The following SCAMP4 variants were observed in gnomAD, a reference collection of about 807,000 sequenced individuals.
The protein encoded by SCAMP4 is secretory carrier-associated membrane protein 4.
SCAMP4 carries 19 observed loss-of-function variants against 32.1 expected under a neutral mutation model. That is an observed-to-expected ratio of 0.59 (90% CI 0.41 to 0.87). The LOEUF is 0.87. Ranked by LOEUF, SCAMP4 falls within the 40% of genes least tolerant of loss-of-function variation. The probability of loss-of-function intolerance (pLI) is 0.00; values close to 1 mark genes in which losing one functional copy is unlikely to be tolerated. For synonymous variants in SCAMP4, 152 were observed against 132.7 expected, an observed-to-expected ratio of 1.15 and a Z score of -1.00; for missense variants, 302 against 309.0, an observed-to-expected ratio of 0.98 and a Z score of 0.17.
chr19:1,913,401 C>T (rs2013607041), intron 1 of SCAMP4: 2 of 600,912 alleles, frequency 3.3e-6, no homozygotes, highest in Non-Finnish European at 5.9e-6. Flanking sequence ...CTCTGTCTCG[C>T]GGGCCGGGAA....
At position 1,908,543 on chromosome 19, in the gene SCAMP4, C is replaced by T. The variant is rs2013264126; in HGVS notation, c.-42+3104C>T. The T allele has an allele frequency of 2.1e-6, 1 of 471,186 alleles. No homozygotes were observed. Among genetic ancestry groups the T allele is most frequent in the Non-Finnish European group, 4.4e-6 (1 of 227,050 alleles). 29.2% of individuals were successfully genotyped at this position (471,186 alleles called of 1,614,324 possible). ...GTAGTCCAGGCTGGCAGTTCAGGAT[C>T]ACCCGGCTGGAGTCATTTTAAGATC... is the stretch of plus-strand genomic sequence containing the variant. On this transcript the variant is annotated intron_variant, in intron 1 of 6. Transcript: ENST00000316097. The surrounding 1 kb of genome is among the most constrained non-coding windows in gnomAD (Gnocchi z 4.2).
intron 5 of SCAMP4, chr19:1,919,625 T>G (rs2013855787): frequency 4.8e-6 from 1 of 208,660 alleles, no homozygotes; most frequent in Admixed American, 6.7e-5. Flanking sequence ...GCCTCCCGAG[T>G]AGCTGGGACT....
chr19:1,912,975 T>G, intron 1 of SCAMP4: 1 of 1,609,972 alleles, frequency 6.2e-7, no homozygotes. Flanking sequence ...CTGCGCCATG[T>G]GCGCCATGGC....
chr19:1,916,422 T>A (rs1197352342), intron 2 of SCAMP4, among the ~76,000 whole-genome samples: 1 of 152,162 alleles, frequency 6.6e-6, no homozygotes, highest in Non-Finnish European at 1.5e-5. Context: ...GATCTCAGAT[T>A]TCTGGCCTCC....
chr19:1,920,678 G>T, intron 5 of SCAMP4: 1 of 985,512 alleles, frequency 1.0e-6, no homozygotes, highest in Non-Finnish European at 1.2e-6. Context: ...GGCACTGCTC[G>T]TCATCCTCCG....
intron 1 of SCAMP4, 146 bp from the exon 2 acceptor site, chr19:1,914,833 G>C (rs1468605163): frequency 1.5e-6 from 1 of 661,224 alleles, no homozygotes; most frequent in Non-Finnish European, 2.7e-6. Flanking sequence ...ACATTGGGTC[G>C]AGTCAGGCCT....
chr19:1,912,789 G>A (rs376584702), intron 1 of SCAMP4: 3 of 1,571,120 alleles, frequency 1.9e-6, no homozygotes, highest in Non-Finnish European at 1.7e-6. Context: ...CGTGGACCTC[G>A]TGGCGCGCGG....
At chr19:1,911,564 T>C (rs548397380) in intron 1 of SCAMP4, among the ~76,000 whole-genome samples, 2 of 152,312 alleles carry the variant, frequency 1.3e-5, no homozygotes, top group East Asian at 3.9e-4. Context: ...GTGGATCACG[T>C]GAGGTTAGGA....
rs140419959 is a variant in SCAMP4 at position 1,913,872 on chromosome 19, C to T, written c.-41-1107C>T. On this transcript the variant is annotated intron_variant, in intron 1 of 6. Coordinates refer to ENST00000316097, the MANE Select transcript of SCAMP4 (RefSeq NM_079834.4). ...GCCTGACCATGTGGGTGCAGCTTTG[C>T]CTCCAGACACGCCTGCTGTGAGCCC... Among the ~76,000 whole-genome samples the T allele has an allele frequency of 1.3e-3, 202 of 152,328 alleles. 1 individual carries two copies. In the Middle Eastern group the frequency reaches 0.014, roughly 10 times the overall value.
At chr19:1,910,578 TTTTTTTTTTTTTTTTTTGA>T (rs1432626028) in intron 1 of SCAMP4, among the ~76,000 whole-genome samples, 1 of 137,898 alleles carries the variant, frequency 7.3e-6, no homozygotes, top group Non-Finnish European at 1.5e-5. Context: ...GAGGTGTCTT[TTTTTTTTTTTTTTTTTTGA>T]GACAGAGTCT....
chr19:1,906,332 G>C (rs7408452), intron 1 of SCAMP4: 110,029 of 151,920 alleles, frequency 0.72, 40,122 homozygotes, highest in Middle Eastern at 0.8. Context: ...TGTACTCCAG[G>C]CTGAGCAAGC....
In SCAMP4 at chr19:1,924,204, C is replaced by T. The variant is rs1398981554; in HGVS notation, c.610C>T (p.Gln204Ter). 1.1e-5 allele frequency: 18 copies of T among 1,609,510 alleles called. No homozygotes were observed. The highest frequency in any genetic ancestry group is 1.5e-5 in the Non-Finnish European group (18 of 1,178,078). The change falls in exon 7 of 7, where the codon CAG becomes TAG. Residue 204 changes from glutamine (Q) to a stop codon, truncating the protein, a stop_gained. Coordinates refer to ENST00000316097, the MANE Select transcript of SCAMP4 (RefSeq NM_079834.4). LOFTEE classifies it high-confidence loss of function. The stretch of plus-strand genomic sequence containing the variant: ...GCGGAACCCACCGTCGAGGGAGGCC[C>T]AGTACAACAACTTCTCAGGCAACAG... The part of the protein sequence containing the change: ...TWRNPPSREA[Q>*]YNNFSGNSLP...
intron 5 of SCAMP4, chr19:1,921,636 G>C: frequency 1.0e-6 from 1 of 985,398 alleles, no homozygotes. Context: ...TGCCTTTGCC[G>C]CTTTTCATAA....
chr19:1,915,290 G>A (rs2013694182), intron 2 of SCAMP4: 3 of 575,590 alleles, frequency 5.2e-6, no homozygotes, highest in South Asian at 2.0e-5. Context: ...CATCACAGCT[G>A]CTCTTTCCTT....
At chr19:1,910,500 G>C (rs926212258) in intron 1 of SCAMP4, among the ~76,000 whole-genome samples, 1 of 152,020 alleles carries the variant, frequency 6.6e-6, no homozygotes, top group Non-Finnish European at 1.5e-5. Context: ...TTTTATAGTG[G>C]TGATGGTTGC....
In SCAMP4 at chr19:1,922,870, G is replaced by A. The variant is rs1295982835; in HGVS notation, c.396-200G>A. The A allele has an allele frequency of 6.1e-6, 8 of 1,310,584 alleles. No individual in the cohort carries two copies. The South Asian group carries it at 1.3e-4, about 21-fold the overall frequency. 81.2% of individuals were successfully genotyped at this position (1,310,584 alleles called of 1,614,324 possible). On this transcript the variant is annotated intron_variant, in intron 5 of 6. Transcript: ENST00000316097. ...GCGGCTCACTGCTGCGATGGTGGAG[G>A]GATAAGGTCGTATTCACGCGTTGAA...
At chr19:1,918,067 T>G in intron 3 of SCAMP4, 60 bp from the exon 4 acceptor site, 1 of 1,560,934 alleles carries the variant, frequency 6.4e-7, no homozygotes, top group Non-Finnish European at 8.7e-7. Flanking sequence ...GCTGGGCCCA[T>G]GCTTTCCCAC....
chr19:1,913,122 C>T, intron 1 of SCAMP4: 1 of 1,582,376 alleles, frequency 6.3e-7, no homozygotes, highest in Non-Finnish European at 8.6e-7. Context: ...GCTGGAGGAG[C>T]AGTGCCGCTG....
rs569302688 is a variant in SCAMP4 at position 1,908,125 on chromosome 19, G to A, written c.-42+2686G>A. 15 of 231,914 alleles carry A rather than the reference G, an allele frequency of 6.5e-5. No individual in the cohort carries two copies. The highest frequency in any genetic ancestry group is 1.9e-4 in the African/African-American group (8 of 42,252). The allele number at this position is 231,914 out of a possible 1,614,324, so 14.4% of individuals were successfully genotyped here. A position where few individuals can be genotyped will look rare whatever the true frequency, so the allele number is the denominator to read the frequency against. The stretch of plus-strand genomic sequence containing the variant: ...TGTTTGTGGCCTAGCAGGGCCGTGC[G>A]GGCCTCTCGGTCCTGGTCGCGCGTG... On this transcript the variant is annotated intron_variant, in intron 1 of 6. Coordinates refer to ENST00000316097, the MANE Select transcript of SCAMP4 (RefSeq NM_079834.4). This position sits in a 1 kb window ranked among gnomAD's most constrained non-coding sequence, Gnocchi z 4.2.
Sources: gnomAD v4.1 joint callset for allele counts (sites outside exome capture counted in the v4.1 genomes callset) on GRCh38, gnomAD v4.1.1 for gene constraint, Gnocchi (gnomAD v3.1) non-coding constraint, MANE v1.5 for transcripts, NCBI Gene and HGNC (gene_info 2026-07-23, HGNC 2026-07-21) for gene names.